The following SEMA3A variants were observed in gnomAD, a reference collection of about 807,000 sequenced individuals.
SEMA3A encodes the protein semaphorin-3A.
Under a neutral mutation model 97.9 loss-of-function variants are expected in SEMA3A, and 29 were observed. The observed-to-expected ratio is 0.30, with a 90% CI of 0.22 to 0.40. The LOEUF (loss-of-function observed/expected upper bound fraction) is 0.40, where lower values mean the gene tolerates loss of function less well. Among genes scored for constraint, SEMA3A ranks in the 10% least tolerant of loss-of-function variants. The pLI is 1.00. For synonymous variants in SEMA3A, 321 were observed against 323.7 expected (o/e 0.99, Z 0.09); for missense variants, 763 against 951.3 (o/e 0.80, Z 2.60).
chr7:84,476,656 T>C (rs1212004276), intron 1 of SEMA3A, among the ~76,000 whole-genome samples: 1 of 152,178 alleles, frequency 6.6e-6, no homozygotes, highest in Non-Finnish European at 1.5e-5. Context: ...TAAAATCTTG[T>C]ATTCCTTAGA....
chr7:84,368,826 T>C (rs185650287), intron 2 of SEMA3A, among the ~76,000 whole-genome samples: 1 of 151,012 alleles, frequency 6.6e-6, no homozygotes, highest in Non-Finnish European at 1.5e-5. Context: ...ATATCTAGCA[T>C]AAATATATAC....
Position 84,095,350 on chromosome 7 carries a change from T to TATATATGGCA in SEMA3A, c.453+15119_453+15120insTGCCATATAT, listed in dbSNP as rs1340774231. Among the ~76,000 whole-genome samples the TATATATGGCA allele has an allele frequency of 5.0e-3, 256 of 51,600 alleles. 7 individuals are homozygous for TATATATGGCA. Among genetic ancestry groups the TATATATGGCA allele is most frequent in the Non-Finnish European group, 8.3e-3 (165 of 19,790 alleles). 33.9% of individuals were successfully genotyped at this position (51,600 alleles called of 152,430 possible). On this transcript the variant is annotated intron_variant, in intron 4 of 16. Transcript: ENST00000265362. ...TATATATTATATATATTTTATATTT[T>TATATATGGCA]TTATATACATATATATATATATATA... is the stretch of plus-strand genomic sequence containing the variant.
At chr7:84,455,141 T>C (rs891693202) in intron 1 of SEMA3A, among the ~76,000 whole-genome samples, 4 of 151,620 alleles carry the variant, frequency 2.6e-5, no homozygotes, top group East Asian at 1.9e-4. Flanking sequence ...ATCTGAAAGA[T>C]AGTTTTTCAA....
intron 1 of SEMA3A, among the ~76,000 whole-genome samples, chr7:84,190,672 T>C (rs1387507442): frequency 6.7e-6 from 1 of 149,152 alleles, no homozygotes; most frequent in Non-Finnish European, 1.5e-5. Context: ...AAACTTTTCA[T>C]GGGACACAAA....
At chr7:84,244,556 G>A (rs2115578552) in intron 3 of SEMA3A, among the ~76,000 whole-genome samples, 1 of 152,230 alleles carries the variant, frequency 6.6e-6, no homozygotes, top group Admixed American at 6.5e-5. Context: ...TCCAGTCTGT[G>A]TCTTTTAATT....
intron 1 of SEMA3A, among the ~76,000 whole-genome samples, chr7:84,390,933 C>T (rs928495845): frequency 3.3e-5 from 5 of 152,006 alleles, no homozygotes; most frequent in Non-Finnish European, 5.9e-5. Flanking sequence ...AAGTTAGACC[C>T]GAAATGGTCA....
At chr7:84,191,413 T>A (rs1186808548) in intron 1 of SEMA3A, among the ~76,000 whole-genome samples, 1 of 151,676 alleles carries the variant, frequency 6.6e-6, no homozygotes, top group East Asian at 1.9e-4. Flanking sequence ...CTACCAAAAC[T>A]GAAGCACATA....
intron 3 of SEMA3A, among the ~76,000 whole-genome samples, chr7:84,224,222 T>C (rs962522720): frequency 4.6e-5 from 7 of 151,988 alleles, no homozygotes; most frequent in Non-Finnish European, 8.8e-5. Flanking sequence ...AAGTGACCTA[T>C]GTAAGAGATG....
intron 15 of SEMA3A, among the ~76,000 whole-genome samples, chr7:83,968,650 A>G (rs1788801777): frequency 6.6e-6 from 1 of 152,016 alleles, no homozygotes. Flanking sequence ...TTCTTGCTCT[A>G]TGTGTGTGAC....
At position 84,233,086 on chromosome 7, in the gene SEMA3A, T is replaced by C. The variant is rs75966931; in HGVS notation, c.-82-38418A>G. Reference sequence around the variant, plus strand: ...TAAGGTATTTCAACTATTTGTAGACTTTCCATTACCCATTGCCTGACTAAT... The same window carrying C: ...TAAGGTATTTCAACTATTTGTAGACCTTCCATTACCCATTGCCTGACTAAT... On this transcript the variant is annotated intron_variant, in intron 3 of 3. Transcript: ENST00000424555. Among the ~76,000 whole-genome samples, 650 of 152,184 alleles carry C rather than the reference T, an allele frequency of 4.3e-3. 5 individuals are homozygous for C. Among genetic ancestry groups the C allele is most frequent in the East Asian group, 0.038 (197 of 5,180 alleles).
intron 5 of SEMA3A, among the ~76,000 whole-genome samples, chr7:84,058,857 A>G (rs920515709): frequency 8.5e-5 from 13 of 152,152 alleles, no homozygotes; most frequent in African/African-American, 3.1e-4. Context: ...ATTCAAATAT[A>G]AAACTAAAAC....
intron 1 of SEMA3A, among the ~76,000 whole-genome samples, chr7:84,431,494 T>G (rs187451156): frequency 1.4e-4 from 21 of 152,134 alleles, no homozygotes; most frequent in African/African-American, 2.2e-4. Flanking sequence ...ATGCTCACTC[T>G]TAAGAGTCAG....
intron 1 of SEMA3A, among the ~76,000 whole-genome samples, chr7:84,480,899 AAAAT>A (rs1292499060): frequency 2.0e-5 from 3 of 152,168 alleles, no homozygotes; most frequent in Non-Finnish European, 2.9e-5. Context: ...AAAATAAAAT[AAAAT>A]AAATAAATAA....
Position 83,963,292 on chromosome 7 carries a change from A to G in SEMA3A, c.1773T>C (p.Ser591=). The part of the protein sequence containing the change: ...EERIIYGVEN[S]STFLECSPKS... ...TCGGACTGCATTCCAAAAATGTGCT[A>G]CTATTCTCTACACCATAGATGATTC... Residue 591 remains serine (S), a synonymous_variant, in exon 16 of 17, where the codon AGT becomes AGC. Coordinates refer to ENST00000265362, the MANE Select transcript of SEMA3A (RefSeq NM_006080.3). 6.2e-7 allele frequency: 1 copy of G among 1,613,764 alleles called. No individual in the cohort carries two copies. Among genetic ancestry groups the G allele is most frequent in the South Asian group, 1.1e-5 (1 of 91,078 alleles).
rs530673559 is a variant in SEMA3A, at chr7:83,991,235, T to C, written c.1453-5758A>G. ...AGATTTTGGGCTGAGACAATGGGGT[T>C]TTCTAGATATACGATCATGTCGTCT... On this transcript the variant is annotated intron_variant, in intron 12 of 16. Transcript: ENST00000265362. 9.9e-5 allele frequency among the ~76,000 whole-genome samples: 15 copies of C among 152,104 alleles called. No homozygotes were observed. In the South Asian group the frequency reaches 2.7e-3, roughly 28 times the overall value.
intron 4 of SEMA3A, among the ~76,000 whole-genome samples, chr7:84,071,270 G>A (rs933837591): frequency 2.6e-5 from 4 of 152,042 alleles, no homozygotes; most frequent in African/African-American, 4.8e-5. Flanking sequence ...TGAACAACAC[G>A]TGTCCAAATT....
At chr7:84,005,240 GA>G in intron 11 of SEMA3A, 98 bp downstream of exon 11, 1 of 833,476 alleles carries the variant, frequency 1.2e-6, no homozygotes, top group East Asian at 2.4e-5. Context: ...CAACTGCACA[GA>G]GGGTTGGCAT....
chr7:84,398,496 G>T (rs1803801670), intron 1 of SEMA3A, among the ~76,000 whole-genome samples: 2 of 151,938 alleles, frequency 1.3e-5, no homozygotes, highest in Admixed American at 6.6e-5. Context: ...CAAACTTAAG[G>T]TCTAGTAATC....
intron 3 of SEMA3A, among the ~76,000 whole-genome samples, chr7:84,291,163 C>T (rs1004902202): frequency 6.6e-6 from 1 of 151,636 alleles, no homozygotes; most frequent in African/African-American, 2.4e-5. Context: ...CATTATTTAT[C>T]GTATTATATT....
Sources: allele counts gnomAD v4.1 joint callset (sites outside exome capture counted in the v4.1 genomes callset), GRCh38; gene constraint gnomAD v4.1.1; transcripts MANE v1.5; gene names NCBI Gene and HGNC (gene_info 2026-07-23, HGNC 2026-07-21).